PHF20L1: variants seen among roughly 807,000 people sequenced by gnomAD.
PHF20L1 encodes the protein PHD finger protein 20-like protein 1.
Under a neutral mutation model 125.5 loss-of-function variants are expected in PHF20L1, and 44 were observed. That is an observed-to-expected ratio of 0.35 (90% CI 0.28 to 0.45). PHF20L1 has a LOEUF of 0.45. Among genes scored for constraint, PHF20L1 ranks in the 20% least tolerant of loss-of-function variants. The pLI is 1.00. For synonymous variants in PHF20L1, 380 were observed against 403.1 expected, an observed-to-expected ratio of 0.94 and a Z score of 0.69; for missense variants, 1,012 against 1,217.2, an observed-to-expected ratio of 0.83 and a Z score of 2.51.
Position 132,825,515 on chromosome 8 carries a change from C to T in PHF20L1, c.1744+144C>T, listed in dbSNP as rs541439006. On this transcript the variant is annotated intron_variant, in intron 14 of 20. Coordinates refer to ENST00000395386, the MANE Select transcript of PHF20L1 (RefSeq NM_016018.5). ...AAAGGTTTCTGTAGCTTTCCTTTGA[C>T]ATGAAATTTCAAAAATATACTACTC... 19 of 602,046 alleles carry T rather than the reference C, an allele frequency of 3.2e-5. 1 individual carries two copies. In the South Asian group the frequency reaches 4.5e-4, roughly 14 times the overall value. The allele number at this position is 602,046 out of a possible 1,614,324, so 37.3% of individuals were successfully genotyped here.
intron 2 of PHF20L1, among the ~76,000 whole-genome samples, chr8:132,792,046 T>C (rs1365712201): frequency 6.6e-6 from 1 of 152,236 alleles, no homozygotes; most frequent in Non-Finnish European, 1.5e-5. Flanking sequence ...TACTGTGGAC[T>C]ATTCTCACTT....
intron 14 of PHF20L1, among the ~76,000 whole-genome samples, chr8:132,828,851 T>C (rs1328444844): frequency 6.6e-6 from 1 of 152,062 alleles, no homozygotes; most frequent in Non-Finnish European, 1.5e-5. Flanking sequence ...AAAAGAGAAT[T>C]GAAAGCATTG....
At position 132,825,381 on chromosome 8, in the gene PHF20L1, C is replaced by T. The variant is rs1297703805; in HGVS notation, c.1744+10C>T. 2.0e-6 allele frequency: 3 copies of T among 1,477,348 alleles called. No individual in the cohort carries two copies. The highest frequency in any genetic ancestry group is 4.9e-5 in the East Asian group (2 of 40,504). 91.5% of individuals were successfully genotyped at this position (1,477,348 alleles called of 1,614,324 possible). ...AAATCTAAGCAACATGGTAAGTACA[C>T]TGAGATGATTATTCCCTCTTTTTTT... On this transcript the variant is annotated intron_variant, in intron 14 of 20. Transcript: ENST00000395386.
rs771160802 is a variant in PHF20L1 at position 132,803,821 on chromosome 8, T to C, written c.510T>C (p.Asp170=). 4 of 1,581,896 alleles carry C rather than the reference T, an allele frequency of 2.5e-6. No homozygotes were observed. The highest frequency in any genetic ancestry group is 2.3e-5 in the East Asian group (1 of 43,836). ...GSCNQSMGSE[D]WIALVKAAAA... ...TGTTTTGTGTTTTTCCTTTGGAGGA[T>C]TGGATAGCTTTAGTCAAAGCAGCTG... is the stretch of plus-strand genomic sequence containing the variant. The change falls in exon 7 of 21, where the codon GAT becomes GAC. Residue 170 remains aspartate, a splice_region_variant and synonymous_variant. Coordinates refer to ENST00000395386, the MANE Select transcript of PHF20L1 (RefSeq NM_016018.5).
intron 17 of PHF20L1, chr8:132,838,761 A>G (rs537450827): frequency 2.0e-5 from 3 of 151,906 alleles, no homozygotes; most frequent in African/African-American, 2.4e-5. Flanking sequence ...TATTTATTCA[A>G]TAACAAATGT....
In PHF20L1 at chr8:132,832,367, G is replaced by C. The variant is rs780834983; in HGVS notation, c.1877G>C (p.Arg626Thr). The C allele has an allele frequency of 1.9e-6, 3 of 1,612,026 alleles. No individual in the cohort carries two copies. The Admixed American group carries it at 5.0e-5, about 27-fold the overall frequency. ...TEKTTTYQYP[R>T]AILSVDLSGE... is the part of the protein sequence containing the mutation. ...AAAACTACAACCTATCAGTACCCAA[G>C]GGCAATTCTATCCGTTGATCTTAGT... is the stretch of plus-strand genomic sequence containing the variant. Residue 626 changes from arginine (R) to threonine (T), a missense_variant, in exon 15 of 21, where the codon AGG (arginine) becomes ACG (threonine). Transcript: ENST00000395386.
intron 15 of PHF20L1, among the ~76,000 whole-genome samples, chr8:132,834,251 T>C (rs1467209400): frequency 2.6e-5 from 4 of 152,152 alleles, no homozygotes; most frequent in African/African-American, 9.6e-5. Context: ...ATTTGCTTGC[T>C]AACACCATAA....
At chr8:132,838,144 T>TAA (rs1837569314) in intron 17 of PHF20L1, 2 of 196,854 alleles carry the variant, frequency 1.0e-5, no homozygotes, top group Non-Finnish European at 2.2e-5. Flanking sequence ...TTTTCACTGT[T>TAA]ACATTTTTAT....
Position 132,840,191 on chromosome 8 carries a change from A to G in PHF20L1, c.2387+609A>G, listed in dbSNP as rs749580751. 3.9e-4 allele frequency among the ~76,000 whole-genome samples: 60 copies of G among 152,142 alleles called. 1 individual carries two copies. The highest frequency in any genetic ancestry group is 2.6e-4 in the Non-Finnish European group (18 of 68,022). On this transcript the variant is annotated intron_variant, in intron 18 of 20. Transcript: ENST00000395386. ...AAAAACCCACATTTTAGGTAAAAAC[A>G]GGATGATTCACTGGTTCTTCACAAG...
intron 20 of PHF20L1, among the ~76,000 whole-genome samples, chr8:132,844,977 G>A (rs1838289865): frequency 6.6e-6 from 1 of 151,922 alleles, no homozygotes; most frequent in Admixed American, 6.6e-5. Context: ...ATAAGCACGT[G>A]ATACCTCTCC....
At chr8:132,832,702 A>T (rs1836904863) in intron 15 of PHF20L1, among the ~76,000 whole-genome samples, 2 of 152,068 alleles carry the variant, frequency 1.3e-5, no homozygotes, top group Admixed American at 1.3e-4. Context: ...TTCACATTTG[A>T]TATATAAACA....
chr8:132,842,943 A>G, intron 19 of PHF20L1, 68 bp downstream of exon 19: 1 of 1,493,566 alleles, frequency 6.7e-7, no homozygotes, highest in Non-Finnish European at 9.0e-7. Context: ...TTTATAAAAT[A>G]AGGCATACTG....
intron 12 of PHF20L1, 86 bp downstream of exon 12, chr8:132,817,631 A>G (rs762195108): frequency 3.6e-6 from 3 of 842,968 alleles, no homozygotes; most frequent in East Asian, 5.3e-5. Context: ...AGGTTTAACT[A>G]CATTATTTTG....
intron 17 of PHF20L1, 85 bp from the exon 18 acceptor site, chr8:132,839,302 A>T: frequency 9.7e-7 from 1 of 1,031,698 alleles, no homozygotes; most frequent in Non-Finnish European, 1.5e-6. Context: ...TGCCTTGCTT[A>T]ATGAGCAACG....
chr8:132,834,630 G>C (rs998993686), intron 15 of PHF20L1, among the ~76,000 whole-genome samples: 1 of 151,908 alleles, frequency 6.6e-6, no homozygotes. Flanking sequence ...CGCTGTGCCC[G>C]GCCCATTTAA....
rs748394156 is a variant in PHF20L1 at position 132,780,967 on chromosome 8, CTT to C, written c.83+3057_83+3058del. ...TCAAGCTATCCTGCCACCTCAGCCT[CTT>C]GAATAGCTGGAACTACAGGTGTGCA... On this transcript the variant is annotated intron_variant, in intron 2 of 20. Coordinates refer to ENST00000395386, the MANE Select transcript of PHF20L1 (RefSeq NM_016018.5). Among the ~76,000 whole-genome samples the C allele has an allele frequency of 1.8e-4, 27 of 151,304 alleles. No homozygotes were observed. The South Asian group carries it at 3.3e-3, about 19-fold the overall frequency.
Position 132,794,452 on chromosome 8 carries a change from G to A in PHF20L1, c.126G>A (p.Lys42=). 1 of 1,611,902 alleles carries A rather than the reference G, an allele frequency of 6.2e-7. No homozygotes were observed. The highest frequency in any genetic ancestry group is 8.5e-7 in the Non-Finnish European group (1 of 1,178,182). Residue 42 remains lysine, a synonymous_variant, in exon 3 of 21, where the codon AAG becomes AAA. Transcript: ENST00000395386. The part of the protein sequence containing the change: ...RIEKIDYEEG[K]MLVHFERWSH... ...AAAAAATTGACTATGAGGAGGGCAA[G>A]ATGTTGGTCCATTTTGAGCGCTGGA...
At chr8:132,830,969 A>C (rs560880812) in intron 14 of PHF20L1, among the ~76,000 whole-genome samples, 15 of 152,142 alleles carry the variant, frequency 9.9e-5, no homozygotes, top group African/African-American at 3.6e-4. Flanking sequence ...CTCGGCCTCC[A>C]GTCTATAACA....
At position 132,797,281 on chromosome 8, in the gene PHF20L1, A is replaced by AG. The variant is rs3215423; in HGVS notation, c.341-1490dup. Among the ~76,000 whole-genome samples, 21 of 152,230 alleles carry AG rather than the reference A, an allele frequency of 1.4e-4. No homozygotes were observed. The East Asian group carries it at 4.1e-3, about 29-fold the overall frequency. On this transcript the variant is annotated intron_variant, in intron 4 of 20. Coordinates refer to ENST00000395386, the MANE Select transcript of PHF20L1 (RefSeq NM_016018.5). ...AAAGAAGCCATCCGTTCAGTGTAAG[A>AG]GCAAAACAAAATGAACAATTGTGAA...
Sources: allele counts gnomAD v4.1 joint callset (sites outside exome capture counted in the v4.1 genomes callset), GRCh38; gene constraint gnomAD v4.1.1; transcripts MANE v1.5; gene names NCBI Gene and HGNC (gene_info 2026-07-23, HGNC 2026-07-21).